The following KCNQ5 variants were observed in gnomAD, a reference collection of about 807,000 sequenced individuals.
The protein encoded by KCNQ5 is potassium voltage-gated channel subfamily Q member 5, also known as potassium voltage-gated channel subfamily KQT member 5.
A neutral mutation model predicts 98.2 loss-of-function variants in KCNQ5; 30 were observed. The observed-to-expected ratio is 0.31, with a 90% CI of 0.23 to 0.41. The LOEUF (loss-of-function observed/expected upper bound fraction) is 0.41, where lower values mean the gene tolerates loss of function less well. Among genes scored for constraint, KCNQ5 ranks in the 10% least tolerant of loss-of-function variants. The probability of loss-of-function intolerance (pLI) is 1.00; values close to 1 mark genes in which losing one functional copy is unlikely to be tolerated. For synonymous variants in KCNQ5, 458 were observed against 449.4 expected (o/e 1.02, Z -0.24); for missense variants, 835 against 1,182.5 (o/e 0.71, Z 4.31).
intron 10 of KCNQ5, among the ~76,000 whole-genome samples, chr6:73,141,853 A>C (rs1776726690): frequency 6.6e-6 from 1 of 152,252 alleles, no homozygotes. Flanking sequence ...TACATAGCAA[A>C]TTACCCTCAA....
intron 5 of KCNQ5, among the ~76,000 whole-genome samples, chr6:73,100,542 G>C (rs550083059): frequency 6.6e-6 from 1 of 151,782 alleles, no homozygotes; most frequent in Non-Finnish European, 1.5e-5. Context: ...GGTGGCAGGC[G>C]CCTGTAGTCC....
chr6:72,949,599 A>C (rs779087276), intron 1 of KCNQ5, among the ~76,000 whole-genome samples: 1 of 152,242 alleles, frequency 6.6e-6, no homozygotes, highest in Non-Finnish European at 1.5e-5. Flanking sequence ...AAACATTTTC[A>C]TATTACATGC....
chr6:72,700,026 T>A (rs569232691), intron 1 of KCNQ5, among the ~76,000 whole-genome samples: 1 of 152,282 alleles, frequency 6.6e-6, no homozygotes, highest in South Asian at 2.1e-4. Flanking sequence ...TTAAATGAAA[T>A]GTATAGAAAG....
Position 73,077,447 on chromosome 6 carries a change from A to G in KCNQ5, c.742A>G (p.Arg248Gly). The G allele has an allele frequency of 6.2e-7, 1 of 1,614,160 alleles. No individual in the cohort carries two copies. Among genetic ancestry groups the G allele is most frequent in the Non-Finnish European group, 8.5e-7 (1 of 1,180,024 alleles). The part of the protein sequence containing the change: ...QILRMVRMDR[R>G]GGTWKLLGSV... ...CCTCCGCATGGTGCGCATGGACCGA[A>G]GGGGAGGCACTTGGAAATTACTGGG... The change falls in exon 4 of 14, where the codon AGG (arginine) becomes GGG (glycine). Residue 248 changes from arginine (R) to glycine (G), a missense_variant. This residue lies in a region of KCNQ5 where 48 missense variants were observed against 112.1 expected (regional missense o/e 0.43). Transcript: ENST00000370398.
At chr6:73,097,284 C>T (rs143579539) in intron 5 of KCNQ5, among the ~76,000 whole-genome samples, 2 of 151,310 alleles carry the variant, frequency 1.3e-5, no homozygotes, top group East Asian at 3.9e-4. Flanking sequence ...CCATGGGTTT[C>T]ATTGTTTCAG....
chr6:73,127,860 C>T (rs904871575), intron 9 of KCNQ5, among the ~76,000 whole-genome samples: 7 of 152,100 alleles, frequency 4.6e-5, no homozygotes, highest in South Asian at 2.1e-4. Context: ...GTCAGGAGTT[C>T]GAGACCAGCC....
At chr6:73,172,604 C>T (rs952162438) in intron 11 of KCNQ5, among the ~76,000 whole-genome samples, 3 of 152,134 alleles carry the variant, frequency 2.0e-5, no homozygotes, top group Admixed American at 1.3e-4. Flanking sequence ...TAATTATGTT[C>T]GTAAGTTCAA....
chr6:73,157,400 G>A (rs1228379108), intron 10 of KCNQ5: 2 of 586,638 alleles, frequency 3.4e-6, no homozygotes, highest in East Asian at 3.1e-5. Context: ...AATTTCTGGG[G>A]GGCAGCGGCA....
At chr6:72,856,737 C>T (rs1480201159) in intron 1 of KCNQ5, among the ~76,000 whole-genome samples, 1 of 152,130 alleles carries the variant, frequency 6.6e-6, no homozygotes, top group African/African-American at 2.4e-5. Context: ...AATATTTGTG[C>T]ATTAATTAAA....
At chr6:72,661,382 G>A (rs10485213) in intron 1 of KCNQ5, among the ~76,000 whole-genome samples, 18,485 of 152,024 alleles carry the variant, frequency 0.12, 1,246 homozygotes, top group South Asian at 0.17. Flanking sequence ...CATGATGACT[G>A]TTTCACAATT....
At position 73,120,482 on chromosome 6, in the gene KCNQ5, G is replaced by T; in HGVS notation, c.1126-1G>T. On this transcript the variant is annotated splice_acceptor_variant, in intron 7 of 13. Transcript: ENST00000370398. LOFTEE classifies it high-confidence loss of function. The stretch of plus-strand genomic sequence containing the variant: ...CATGTCCCCATCTATGCCACATGCA[G>T]TGTGTTTGGCGTAGTTACGCAGCTG... The T allele has an allele frequency of 6.2e-7, 1 of 1,606,750 alleles. No individual in the cohort carries two copies. The highest frequency in any genetic ancestry group is 8.5e-7 in the Non-Finnish European group (1 of 1,175,004).
chr6:72,927,473 CA>C (rs1435023590), intron 1 of KCNQ5, among the ~76,000 whole-genome samples: 1 of 152,010 alleles, frequency 6.6e-6, no homozygotes, highest in Non-Finnish European at 1.5e-5. Flanking sequence ...GAGATTTCTA[CA>C]AACAACAGCT....
At chr6:72,727,641 T>C in intron 1 of KCNQ5, among the ~76,000 whole-genome samples, 1 of 152,162 alleles carries the variant, frequency 6.6e-6, no homozygotes, top group East Asian at 1.9e-4. Flanking sequence ...GGTTTCTGGA[T>C]TGGTGTGTTA....
chr6:72,743,155 T>C (rs1041555378), intron 1 of KCNQ5, among the ~76,000 whole-genome samples: 4 of 152,174 alleles, frequency 2.6e-5, no homozygotes, highest in African/African-American at 9.7e-5. Flanking sequence ...CTTCAGGTAA[T>C]GTAGCAGCAG....
At chr6:73,188,381 C>T (rs1216984438) in intron 11 of KCNQ5, among the ~76,000 whole-genome samples, 2 of 152,188 alleles carry the variant, frequency 1.3e-5, no homozygotes, top group Non-Finnish European at 2.9e-5. Flanking sequence ...ACACAAACAA[C>T]CACACAACAA....
At chr6:72,882,512 A>C (rs1326240557) in intron 1 of KCNQ5, among the ~76,000 whole-genome samples, 1 of 152,190 alleles carries the variant, frequency 6.6e-6, no homozygotes, top group Non-Finnish European at 1.5e-5. Flanking sequence ...CCCTAAATGC[A>C]GTGGAATGAG....
At chr6:72,920,187 A>G (rs1288565617) in intron 1 of KCNQ5, among the ~76,000 whole-genome samples, 1 of 152,084 alleles carries the variant, frequency 6.6e-6, no homozygotes, top group Non-Finnish European at 1.5e-5. Flanking sequence ...CTAGCTACTC[A>G]GGAGGCTGAG....
intron 3 of KCNQ5, among the ~76,000 whole-genome samples, chr6:73,045,849 C>T (rs1260733417): frequency 6.6e-6 from 1 of 152,074 alleles, no homozygotes; most frequent in Non-Finnish European, 1.5e-5. Flanking sequence ...TTCAGTCTTG[C>T]AGGGAGTCTC....
intron 1 of KCNQ5, among the ~76,000 whole-genome samples, chr6:72,781,255 G>A (rs929096843): frequency 6.6e-6 from 1 of 152,130 alleles, no homozygotes; most frequent in African/African-American, 2.4e-5. Context: ...GGATTGCCAG[G>A]ACCCACCAGA....
Sources: allele counts gnomAD v4.1 joint callset (sites outside exome capture counted in the v4.1 genomes callset), GRCh38; gene constraint gnomAD v4.1.1; regional missense constraint gnomAD v4.1.1; transcripts MANE v1.5; gene names NCBI Gene and HGNC (gene_info 2026-07-23, HGNC 2026-07-21).